TBC1D22A: variants seen among roughly 807,000 people sequenced by gnomAD.
TBC1D22A encodes the protein TBC1 domain family member 22A, also known as putative GTPase activator.
A neutral mutation model predicts 60.2 loss-of-function variants in TBC1D22A; 38 were observed. That is an observed-to-expected ratio of 0.63 (90% CI 0.49 to 0.83). The LOEUF is 0.83. Ranked by LOEUF, TBC1D22A falls within the 40% of genes least tolerant of loss-of-function variation. The pLI is 0.00. For synonymous variants in TBC1D22A, 302 were observed against 281.7 expected (o/e 1.07, Z -0.72); for missense variants, 628 against 701.0 (o/e 0.90, Z 1.18).
intron 9 of TBC1D22A, among the ~76,000 whole-genome samples, chr22:46,986,793 C>T (rs2074741118): frequency 6.6e-6 from 1 of 152,206 alleles, no homozygotes; most frequent in Non-Finnish European, 1.5e-5. Context: ...CTCCCAAACC[C>T]TCTGACTGGA....
In TBC1D22A at chr22:47,173,772, G is replaced by A; in HGVS notation, c.*146G>A. The A allele has an allele frequency of 1.6e-6, 2 of 1,257,498 alleles. No individual in the cohort carries two copies. The highest frequency in any genetic ancestry group is 2.2e-6 in the Non-Finnish European group (2 of 903,702). The allele number at this position is 1,257,498 out of a possible 1,614,324, so 77.9% of individuals were successfully genotyped here. A position where few individuals can be genotyped will look rare whatever the true frequency, so the allele number is the denominator to read the frequency against. ...CCTCCAGGGGAGCTGGTGAAGATGG[G>A]CCACAGACCTGGTCTAGGGCTGACA... On this transcript the variant is annotated 3_prime_UTR_variant, in exon 13 of 13. Coordinates refer to ENST00000337137, the MANE Select transcript of TBC1D22A (RefSeq NM_014346.5).
At chr22:46,925,177 G>T (rs1456543996) in intron 8 of TBC1D22A, among the ~76,000 whole-genome samples, 1 of 152,116 alleles carries the variant, frequency 6.6e-6, no homozygotes, top group African/African-American at 2.4e-5. Flanking sequence ...TCTAAACCAA[G>T]GCTACTGCCA....
At chr22:47,128,601 A>G (rs2066575089) in intron 12 of TBC1D22A, among the ~76,000 whole-genome samples, 1 of 151,948 alleles carries the variant, frequency 6.6e-6, no homozygotes, top group South Asian at 2.1e-4. Context: ...GGCTGCAGAA[A>G]ATCGATTTTC....
chr22:47,076,361 G>GTGTATATATATATATATGTGTGTA (rs1392245000), intron 11 of TBC1D22A, among the ~76,000 whole-genome samples: 26 of 101,932 alleles, frequency 2.6e-4, no homozygotes, highest in African/African-American at 8.3e-4. Context: ...ATATGTGTGT[G>GTGTATATATATATATATGTGTGTA]TATATATATA....
At chr22:47,120,084 C>T (rs2066218427) in intron 12 of TBC1D22A, among the ~76,000 whole-genome samples, 1 of 152,142 alleles carries the variant, frequency 6.6e-6, no homozygotes, top group East Asian at 1.9e-4. Context: ...GAGTTAGCCT[C>T]AGAGATCAGG....
intron 8 of TBC1D22A, chr22:46,915,978 C>T: frequency 2.2e-6 from 1 of 454,092 alleles, no homozygotes; most frequent in Non-Finnish European, 4.4e-6. Context: ...ATGTGGTGGG[C>T]TTCAGATTCC....
intron 4 of TBC1D22A, among the ~76,000 whole-genome samples, chr22:46,833,197 G>A (rs1464939436): frequency 6.6e-6 from 1 of 152,212 alleles, no homozygotes; most frequent in Non-Finnish European, 1.5e-5. Context: ...ACTAGGCAGT[G>A]TTTAGAATCT....
At chr22:47,124,877 G>A (rs758134157) in intron 12 of TBC1D22A, among the ~76,000 whole-genome samples, 4 of 152,130 alleles carry the variant, frequency 2.6e-5, no homozygotes, top group East Asian at 1.9e-4. Flanking sequence ...GAGGACAGGC[G>A]GGCAGAGGCC....
At chr22:47,063,562 G>A (rs2063655020) in intron 11 of TBC1D22A, among the ~76,000 whole-genome samples, 1 of 152,154 alleles carries the variant, frequency 6.6e-6, no homozygotes. Context: ...TGTTTGGGGA[G>A]CACTGTGTTG....
rs150041571 is a variant in TBC1D22A, at chr22:47,073,801, C to T, written c.1329+36603C>T. On this transcript the variant is annotated intron_variant, in intron 11 of 12. Transcript: ENST00000337137. ...TTAGTAGGCCTTAAAGACACCACCC[C>T]ATGGGAGCTTTCTAAAAAAGATAGT... Among the ~76,000 whole-genome samples the T allele has an allele frequency of 4.9e-3, 753 of 152,290 alleles. 10 individuals carry two copies. The highest frequency in any genetic ancestry group is 0.016 in the African/African-American group (672 of 41,550).
At chr22:47,034,476 T>G (rs75131671) in intron 10 of TBC1D22A, among the ~76,000 whole-genome samples, 8 of 152,088 alleles carry the variant, frequency 5.3e-5, no homozygotes, top group Non-Finnish European at 1.2e-4. Flanking sequence ...CCCGTGGTGA[T>G]GATGAAGAGG....
chr22:47,037,326 G>C, intron 11 of TBC1D22A, 128 bp downstream of exon 11: 1 of 1,351,760 alleles, frequency 7.4e-7, no homozygotes, highest in Non-Finnish European at 1.0e-6. Flanking sequence ...ATTGAAATGC[G>C]GTCTTTAAAA....
intron 4 of TBC1D22A, among the ~76,000 whole-genome samples, chr22:46,837,509 T>A (rs999890568): frequency 3.9e-5 from 6 of 152,186 alleles, no homozygotes; most frequent in Non-Finnish European, 7.4e-5. Flanking sequence ...AAAACAAGTC[T>A]TAACAAATTT....
intron 7 of TBC1D22A, among the ~76,000 whole-genome samples, chr22:46,902,725 A>G (rs1569196806): frequency 6.6e-6 from 1 of 151,574 alleles, no homozygotes; most frequent in Non-Finnish European, 1.5e-5. Context: ...TGCAAGCAAC[A>G]CACCTGCATT....
chr22:47,085,472 A>G (rs2064642477), intron 11 of TBC1D22A, among the ~76,000 whole-genome samples: 1 of 152,126 alleles, frequency 6.6e-6, no homozygotes. Flanking sequence ...TGAATTTTCC[A>G]TCTTAGCATT....
intron 8 of TBC1D22A, among the ~76,000 whole-genome samples, chr22:46,918,055 A>G (rs533016736): frequency 6.6e-6 from 1 of 150,466 alleles, no homozygotes; most frequent in East Asian, 1.9e-4. Flanking sequence ...TGGACACGAA[A>G]TGGAGATCGT....
At chr22:46,984,436 C>T (rs1156921245) in intron 9 of TBC1D22A, among the ~76,000 whole-genome samples, 2 of 136,992 alleles carry the variant, frequency 1.5e-5, no homozygotes, top group Non-Finnish European at 3.1e-5. Context: ...GAGGCCCTCT[C>T]AGGCTTTTAG....
chr22:47,021,231 T>C (rs75415832), intron 10 of TBC1D22A, among the ~76,000 whole-genome samples: 1,046 of 38,918 alleles, frequency 0.027, 36 homozygotes, highest in Middle Eastern at 0.074. Context: ...AGCAGAACCC[T>C]ACCTGTAGCC....
intron 4 of TBC1D22A, among the ~76,000 whole-genome samples, chr22:46,820,600 G>A (rs2085785557): frequency 6.6e-6 from 1 of 152,200 alleles, no homozygotes; most frequent in Non-Finnish European, 1.5e-5. Flanking sequence ...CTGAGAGACT[G>A]CTATGATTTC....
Sources: gnomAD v4.1 joint callset for allele counts (sites outside exome capture counted in the v4.1 genomes callset) on GRCh38, gnomAD v4.1.1 for gene constraint, MANE v1.5 for transcripts, NCBI Gene and HGNC (gene_info 2026-07-23, HGNC 2026-07-21) for gene names.